Variants in PHEX observed in about 807,000 individuals in gnomAD.
PHEX encodes phosphate-regulating neutral endopeptidase PHEX.
A neutral mutation model predicts 68.0 loss-of-function variants in PHEX; 16 were observed. The ratio of observed to expected loss-of-function variants is 0.24; its 90% confidence interval spans 0.16 to 0.36. The LOEUF (loss-of-function observed/expected upper bound fraction) is 0.36, where lower values mean the gene tolerates loss of function less well. Among genes scored for constraint, PHEX ranks in the 10% least tolerant of loss-of-function variants. The probability of loss-of-function intolerance (pLI) is 1.00; values close to 1 mark genes in which losing one functional copy is unlikely to be tolerated. For synonymous variants in PHEX, 208 were observed against 205.1 expected (o/e 1.01, Z -0.12); for missense variants, 480 against 575.5 (o/e 0.83, Z 1.70).
intron 11 of PHEX, 95 bp from the exon 12 acceptor site, chrX:22,133,428 A>G (rs1932097283): frequency 1.6e-6 from 1 of 607,467 alleles, no homozygotes; most frequent in South Asian, 2.3e-5. Flanking sequence ...CATGTTGAGT[A>G]AAGAGTCATT....
chrX:22,163,537 T>C (rs1284802896), intron 12 of PHEX, among the ~76,000 whole-genome samples: 4 of 111,616 alleles, frequency 3.6e-5, no homozygotes, highest in Non-Finnish European at 7.5e-5. Flanking sequence ...GTGCAGCTTC[T>C]CTCTACATGT....
intron 20 of PHEX, among the ~76,000 whole-genome samples, chrX:22,230,916 G>A (rs916266450): frequency 1.8e-5 from 2 of 111,675 alleles, no homozygotes; most frequent in Non-Finnish European, 3.8e-5. Flanking sequence ...CTGTGGGTTT[G>A]TCATAAATAG....
Position 22,133,515 on chromosome X carries a change from T to C in PHEX, c.1303-8T>C. The C allele has an allele frequency of 8.4e-7, 1 of 1,195,905 alleles. No individual in the cohort carries two copies. Among genetic ancestry groups the C allele is most frequent in the Non-Finnish European group, 1.1e-6 (1 of 880,990 alleles). ...TTTGACGTTCCCTCTTTGGGTATTTTCTTGTAGATGGAGGAATTGGTTGAG... is the reference window on the plus strand; with the variant it reads ...TTTGACGTTCCCTCTTTGGGTATTTCCTTGTAGATGGAGGAATTGGTTGAG... On this transcript the variant is annotated splice_polypyrimidine_tract_variant and splice_region_variant and intron_variant, in intron 11 of 21. Coordinates refer to ENST00000379374, the MANE Select transcript of PHEX (RefSeq NM_000444.6).
chrX:22,116,545 A>G (rs1328194353), intron 11 of PHEX, among the ~76,000 whole-genome samples: 1 of 111,815 alleles, frequency 8.9e-6, no homozygotes, highest in Non-Finnish European at 1.9e-5. Flanking sequence ...TGTTCAAATG[A>G]TTGGTATCAC....
chrX:22,098,889 T>C, intron 8 of PHEX, 117 bp from the exon 9 acceptor site: 4 of 640,503 alleles, frequency 6.2e-6, no homozygotes, highest in Non-Finnish European at 7.6e-6. Context: ...AGTTGCATCT[T>C]GAATTATTAG....
chrX:22,224,276 C>T (rs1216375801), intron 18 of PHEX, among the ~76,000 whole-genome samples: 1 of 111,952 alleles, frequency 8.9e-6, no homozygotes, highest in Non-Finnish European at 1.9e-5. Context: ...AGCCACCGCA[C>T]CCAGCCCAGG....
chrX:22,100,722 A>G (rs981806960), intron 9 of PHEX, among the ~76,000 whole-genome samples: 2 of 112,049 alleles, frequency 1.8e-5, no homozygotes, highest in African/African-American at 6.5e-5. Flanking sequence ...ACCTTTCATA[A>G]CAATGGAAAA....
chrX:22,206,231 A>G (rs777661562), intron 15 of PHEX, among the ~76,000 whole-genome samples: 87 of 111,968 alleles, frequency 7.8e-4, no homozygotes, highest in Non-Finnish European at 1.0e-3. Context: ...TCAAGAAGTA[A>G]TACATTGGTA....
intron 14 of PHEX, among the ~76,000 whole-genome samples, chrX:22,188,540 G>C (rs533487966): frequency 8.9e-6 from 1 of 112,846 alleles, no homozygotes; most frequent in Admixed American, 9.3e-5. Context: ...AATTTTTAGA[G>C]ATAAATGTTT....
At chrX:22,171,899 T>G (rs937295454) in intron 13 of PHEX, 1 of 111,882 alleles carries the variant, frequency 8.9e-6, no homozygotes, top group East Asian at 2.8e-4. Flanking sequence ...CAGGTGGAGA[T>G]ATGATTCATC....
chrX:22,242,833 T>C (rs1936266969), intron 20 of PHEX, among the ~76,000 whole-genome samples: 1 of 111,729 alleles, frequency 9.0e-6, no homozygotes. Flanking sequence ...AGAATCAATA[T>C]CGTGAAAATG....
intron 12 of PHEX, among the ~76,000 whole-genome samples, chrX:22,164,658 T>A (rs1045226134): frequency 8.9e-6 from 1 of 112,438 alleles, no homozygotes; most frequent in Non-Finnish European, 1.9e-5. Flanking sequence ...TTTCTTTTCT[T>A]CTTTTCTTTT....
At chrX:22,193,690 G>A (rs1602376811) in intron 15 of PHEX, among the ~76,000 whole-genome samples, 1 of 111,445 alleles carries the variant, frequency 9.0e-6, no homozygotes, top group African/African-American at 3.3e-5. Flanking sequence ...CTGTTGTCCA[G>A]CCTATGAGTC....
intron 1 of PHEX, among the ~76,000 whole-genome samples, chrX:22,035,235 T>G (rs190135255): frequency 9.0e-6 from 1 of 111,708 alleles, no homozygotes. Flanking sequence ...TGATTGCCAG[T>G]GGTCTTGCAG....
intron 3 of PHEX, among the ~76,000 whole-genome samples, chrX:22,053,814 A>T (rs1927948980): frequency 8.9e-6 from 1 of 112,435 alleles, no homozygotes; most frequent in Non-Finnish European, 1.9e-5. Context: ...CAGAACAATA[A>T]GATGAAGTAG....
intron 11 of PHEX, among the ~76,000 whole-genome samples, chrX:22,133,165 C>T (rs926194445): frequency 1.8e-5 from 2 of 111,852 alleles, no homozygotes; most frequent in Non-Finnish European, 3.8e-5. Flanking sequence ...GGATTACAGG[C>T]ATGAGCCACC....
At chrX:22,033,372 G>A (rs996094535) in intron 1 of PHEX, among the ~76,000 whole-genome samples, 13 of 102,532 alleles carry the variant, frequency 1.3e-4, no homozygotes, top group Non-Finnish European at 2.0e-5. Context: ...GGCTTCGAGT[G>A]GCTGGCTGAT....
intron 17 of PHEX, among the ~76,000 whole-genome samples, chrX:22,220,101 T>A (rs1935222462): frequency 8.9e-6 from 1 of 111,957 alleles, no homozygotes; most frequent in South Asian, 3.8e-4. Flanking sequence ...TGGAGTATTA[T>A]CGGAAGGCCA....
intron 21 of PHEX, among the ~76,000 whole-genome samples, chrX:22,246,992 G>C (rs1450641466): frequency 9.0e-6 from 1 of 111,446 alleles, no homozygotes; most frequent in Admixed American, 9.6e-5. Context: ...GAGTGCAGCA[G>C]AAATCACACA....
Sources: allele counts gnomAD v4.1 joint callset (sites outside exome capture counted in the v4.1 genomes callset), GRCh38; gene constraint gnomAD v4.1.1; transcripts MANE v1.5; gene names NCBI Gene and HGNC (gene_info 2026-07-23, HGNC 2026-07-21).